The following ATRNL1 variants were observed in gnomAD, a reference collection of about 807,000 sequenced individuals.
The protein encoded by ATRNL1 is attractin like 1.
ATRNL1 carries 95 observed loss-of-function variants against 182.7 expected under a neutral mutation model. The ratio of observed to expected loss-of-function variants is 0.52; its 90% CI spans 0.44 to 0.62. ATRNL1 has a LOEUF of 0.62. ATRNL1 is among the 20% of genes least tolerant of loss of function. ATRNL1 has a pLI of 0.00. For synonymous variants in ATRNL1, 576 were observed against 568.3 expected (o/e 1.01, Z -0.19); for missense variants, 1,471 against 1,679.5 (o/e 0.88, Z 2.17).
intron 28 of ATRNL1, among the ~76,000 whole-genome samples, chr10:115,848,606 T>G (rs1950984018): frequency 6.6e-6 from 1 of 152,176 alleles, no homozygotes; most frequent in African/African-American, 2.4e-5. Flanking sequence ...ATGTTTTTGA[T>G]TTCAGGATAA....
chr10:115,882,276 G>C (rs782548638), intron 28 of ATRNL1, among the ~76,000 whole-genome samples: 3 of 152,198 alleles, frequency 2.0e-5, no homozygotes, highest in Non-Finnish European at 2.9e-5. Context: ...GCCCACACTA[G>C]TTAGGGGTGT....
intron 6 of ATRNL1, among the ~76,000 whole-genome samples, chr10:115,160,886 C>G (rs1020501037): frequency 2.6e-5 from 4 of 151,844 alleles, no homozygotes; most frequent in African/African-American, 9.7e-5. Flanking sequence ...ACAGCTTGGG[C>G]ATCAAACAAT....
intron 15 of ATRNL1, among the ~76,000 whole-genome samples, chr10:115,288,797 C>T (rs781876272): frequency 2.0e-5 from 3 of 152,170 alleles, no homozygotes; most frequent in African/African-American, 7.2e-5. Context: ...GCTGGGATTA[C>T]AGGCATGAGC....
chr10:115,781,866 C>T lies in ATRNL1; in HGVS notation c.3903+54511C>T, dbSNP rs1375154833. ...TTTAAAGAAAAGTAATCTTTCTCCA[C>T]GGGCTGAAATCGGCCAGATTGGGTA... On this transcript the variant is annotated intron_variant, in intron 27 of 28. Transcript: ENST00000355044. Among the ~76,000 whole-genome samples, 4 of 152,148 alleles carry T rather than the reference C, an allele frequency of 2.6e-5. No homozygotes were observed. The South Asian group carries it at 6.2e-4, about 24-fold the overall frequency.
chr10:115,919,419 A>T (rs1219614712), intron 28 of ATRNL1, among the ~76,000 whole-genome samples: 2 of 152,180 alleles, frequency 1.3e-5, no homozygotes, highest in African/African-American at 4.8e-5. Context: ...ATCTCAGCTC[A>T]GAGCTCCTCA....
At chr10:115,837,737 A>G (rs532362743) in intron 27 of ATRNL1, among the ~76,000 whole-genome samples, 1 of 152,224 alleles carries the variant, frequency 6.6e-6, no homozygotes, top group South Asian at 2.1e-4. Context: ...ACACTAGAAT[A>G]CTCGTGCCAT....
intron 19 of ATRNL1, among the ~76,000 whole-genome samples, chr10:115,378,827 C>A (rs541510969): frequency 3.9e-5 from 6 of 152,244 alleles, no homozygotes; most frequent in African/African-American, 1.4e-4. Flanking sequence ...TATTAAATTT[C>A]TTTAAGTATA....
At chr10:115,878,714 G>A (rs1555107805) in intron 28 of ATRNL1, among the ~76,000 whole-genome samples, 2 of 152,046 alleles carry the variant, frequency 1.3e-5, no homozygotes, top group Non-Finnish European at 1.5e-5. Flanking sequence ...CAAGACTCTC[G>A]GTTGCATAAT....
chr10:115,152,257 C>A (rs1333977049), intron 5 of ATRNL1, among the ~76,000 whole-genome samples: 2 of 152,154 alleles, frequency 1.3e-5, no homozygotes, highest in African/African-American at 4.8e-5. Flanking sequence ...TGAAGAAAGT[C>A]ATTGGTAGCT....
chr10:115,888,444 G>C (rs1555110324), intron 28 of ATRNL1, among the ~76,000 whole-genome samples: 1 of 152,118 alleles, frequency 6.6e-6, no homozygotes, highest in East Asian at 1.9e-4. Flanking sequence ...ATGTCTTACA[G>C]GTCCTTACCG....
In ATRNL1 at chr10:115,903,885, AT is replaced by A. The variant is rs1230811371; in HGVS notation, c.4019-40771del. 6.4e-4 allele frequency among the ~76,000 whole-genome samples: 97 copies of A among 152,140 alleles called. 1 individual carries two copies. Among genetic ancestry groups the A allele is most frequent in the African/African-American group, 2.3e-3 (96 of 41,418 alleles). ...AACTTTGCATTTTAAAAATCCTTTC[AT>A]TCCCCTAAGATTTTTTAGTGCGTTA... is the stretch of plus-strand genomic sequence containing the variant. On this transcript the variant is annotated intron_variant, in intron 28 of 28. Coordinates refer to ENST00000355044, the MANE Select transcript of ATRNL1 (RefSeq NM_207303.4).
intron 26 of ATRNL1, among the ~76,000 whole-genome samples, chr10:115,696,261 A>G (rs1250433564): frequency 3.3e-5 from 5 of 152,142 alleles, no homozygotes; most frequent in Non-Finnish European, 7.4e-5. Context: ...TGTCTTTGCT[A>G]TTGTGAACAG....
At chr10:115,793,880 T>C (rs1452997568) in intron 27 of ATRNL1, among the ~76,000 whole-genome samples, 1 of 152,186 alleles carries the variant, frequency 6.6e-6, no homozygotes, top group African/African-American at 2.4e-5. Context: ...TGCACAATTC[T>C]GTGATTATAC....
At chr10:115,344,455 C>T (rs1369232861) in intron 19 of ATRNL1, among the ~76,000 whole-genome samples, 1 of 152,154 alleles carries the variant, frequency 6.6e-6, no homozygotes, top group Admixed American at 6.5e-5. Flanking sequence ...AGCTGATGAT[C>T]CCTTAAGGCC....
intron 6 of ATRNL1, among the ~76,000 whole-genome samples, chr10:115,164,462 G>A (rs1846945803): frequency 6.6e-6 from 1 of 152,128 alleles, no homozygotes; most frequent in Admixed American, 6.6e-5. Context: ...ATATGATCCA[G>A]CAAACCCACT....
intron 26 of ATRNL1, among the ~76,000 whole-genome samples, chr10:115,683,008 G>A (rs1354003246): frequency 3.3e-5 from 5 of 152,014 alleles, no homozygotes; most frequent in Non-Finnish European, 7.4e-5. Flanking sequence ...GTAAAAGGGG[G>A]ATGGGGAAAC....
At chr10:115,752,287 G>A (rs1231323580) in intron 27 of ATRNL1, among the ~76,000 whole-genome samples, 5 of 151,834 alleles carry the variant, frequency 3.3e-5, no homozygotes, top group Non-Finnish European at 7.4e-5. Flanking sequence ...AGATTTAAAG[G>A]GATTTCAGAG....
At chr10:115,476,131 A>G (rs1029219748) in intron 24 of ATRNL1, among the ~76,000 whole-genome samples, 6 of 151,296 alleles carry the variant, frequency 4.0e-5, no homozygotes, top group African/African-American at 1.5e-4. Flanking sequence ...ATTTTTATTT[A>G]GTCCAAAATA....
chr10:115,144,757 G>A (rs2143845423), intron 5 of ATRNL1, among the ~76,000 whole-genome samples: 1 of 152,306 alleles, frequency 6.6e-6, no homozygotes, highest in Non-Finnish European at 1.5e-5. Flanking sequence ...GTCTTGGGAT[G>A]ATAACTTGAT....
Sources: gnomAD v4.1 joint callset for allele counts (sites outside exome capture counted in the v4.1 genomes callset) on GRCh38, gnomAD v4.1.1 for gene constraint, MANE v1.5 for transcripts, NCBI Gene and HGNC (gene_info 2026-07-23, HGNC 2026-07-21) for gene names.